The following IP6K1 variants were observed in gnomAD, a reference collection of about 807,000 sequenced individuals.
IP6K1 encodes the protein ATP:1D-myo-inositol-hexakisphosphate phosphotransferase.
A neutral mutation model predicts 38.3 loss-of-function variants in IP6K1; 13 were observed. That is an observed-to-expected ratio of 0.34 (90% CI 0.22 to 0.54). The LOEUF (loss-of-function observed/expected upper bound fraction) is 0.54. Ranked by LOEUF, IP6K1 falls within the 20% of genes least tolerant of loss-of-function variation. IP6K1 has a pLI of 0.92. For missense variants in IP6K1, 397 were observed against 599.8 expected, an observed-to-expected ratio of 0.66 and a Z score of 3.53; for synonymous variants, 212 against 229.9, an observed-to-expected ratio of 0.92 and a Z score of 0.70.
At chr3:49,770,260 G>C (rs755807770) in intron 1 of IP6K1, among the ~76,000 whole-genome samples, 18 of 152,176 alleles carry the variant, frequency 1.2e-4, no homozygotes, top group Non-Finnish European at 2.1e-4. Flanking sequence ...ATTTGTTACA[G>C]AGCAATAGAT....
At chr3:49,743,791 T>A (rs1172034732) in intron 2 of IP6K1, among the ~76,000 whole-genome samples, 2 of 151,920 alleles carry the variant, frequency 1.3e-5, no homozygotes, top group African/African-American at 4.8e-5. Context: ...AACTAAGTTT[T>A]GTATTTTTAG....
At chr3:49,743,604 T>A (rs139575318) in intron 2 of IP6K1, among the ~76,000 whole-genome samples, 2 of 147,794 alleles carry the variant, frequency 1.4e-5, no homozygotes, top group Non-Finnish European at 3.0e-5. Context: ...ACTTGAGCCA[T>A]AGTTTTTTTT....
At chr3:49,771,661 A>T (rs1441534886) in intron 1 of IP6K1, among the ~76,000 whole-genome samples, 1 of 152,240 alleles carries the variant, frequency 6.6e-6, no homozygotes. Context: ...ATAAAGCTAA[A>T]CATACATCTA....
rs1559700008 is a variant in IP6K1 at position 49,726,839 on chromosome 3, C to T, written c.*283G>A. 2.2e-6 allele frequency: 1 copy of T among 454,368 alleles called. No homozygotes were observed. The highest frequency in any genetic ancestry group is 3.3e-5 in the East Asian group (1 of 30,764). 28.1% of individuals were successfully genotyped at this position (454,368 alleles called of 1,614,324 possible). A position where few individuals can be genotyped will look rare whatever the true frequency, so the allele number is the denominator to read the frequency against. On this transcript the variant is annotated 3_prime_UTR_variant, in exon 6 of 6. Transcript: ENST00000321599. ...AACCAATGTCCAAGGGCACCCTGTC[C>T]CTGCTGCCAAGCCCACCAGGGGCAC...
At chr3:49,757,674 T>G (rs2080835883) in intron 1 of IP6K1, among the ~76,000 whole-genome samples, 1 of 151,618 alleles carries the variant, frequency 6.6e-6, no homozygotes, top group Admixed American at 6.6e-5. Flanking sequence ...GAGCCAAGAT[T>G]GCGCCACTAC....
intron 1 of IP6K1, among the ~76,000 whole-genome samples, chr3:49,779,348 AC>A (rs1375599035): frequency 6.6e-6 from 1 of 152,244 alleles, no homozygotes; most frequent in Non-Finnish European, 1.5e-5. Flanking sequence ...GTATGTATAC[AC>A]CACATTTTAT....
At chr3:49,756,817 CAA>C (rs59808252) in intron 1 of IP6K1, among the ~76,000 whole-genome samples, 12 of 133,266 alleles carry the variant, frequency 9.0e-5, no homozygotes, top group African/African-American at 1.5e-4. Flanking sequence ...AACTCCATCT[CAA>C]AAAAAAAAAA....
At chr3:49,777,100 GT>G (rs1347183917) in intron 1 of IP6K1, among the ~76,000 whole-genome samples, 4 of 152,100 alleles carry the variant, frequency 2.6e-5, no homozygotes, top group Admixed American at 6.6e-5. Context: ...GTCCATTGTG[GT>G]GGCACATGCC....
At chr3:49,783,830 C>T (rs1282214485) in intron 1 of IP6K1, among the ~76,000 whole-genome samples, 1 of 151,886 alleles carries the variant, frequency 6.6e-6, no homozygotes, top group African/African-American at 2.4e-5. Flanking sequence ...CAAAAAATGG[C>T]CCTGAAGGAC....
At chr3:49,761,458 C>T (rs910113236) in intron 1 of IP6K1, among the ~76,000 whole-genome samples, 51 of 151,706 alleles carry the variant, frequency 3.4e-4, no homozygotes, top group Admixed American at 3.4e-3. Context: ...ACTAAAAATA[C>T]AAAAAATTAG....
intron 1 of IP6K1, among the ~76,000 whole-genome samples, chr3:49,776,166 T>G (rs1397791697): frequency 6.6e-6 from 1 of 152,014 alleles, no homozygotes; most frequent in Non-Finnish European, 1.5e-5. Context: ...ATAAAGTTAG[T>G]GTTTATTTTC....
At position 49,726,876 on chromosome 3, in the gene IP6K1, T is replaced by A. The variant is rs2080508857; in HGVS notation, c.*246A>T. On this transcript the variant is annotated 3_prime_UTR_variant, in exon 6 of 6. Transcript: ENST00000321599. ...CCCACCAGGGGCACCTCTTCCTTCC[T>A]AAGGCAGCCTGGACACACCAGTCAG... The A allele has an allele frequency of 2.1e-6, 1 of 478,772 alleles. No homozygotes were observed. Among genetic ancestry groups the A allele is most frequent in the Non-Finnish European group, 3.6e-6 (1 of 274,204 alleles). 29.7% of individuals were successfully genotyped at this position (478,772 alleles called of 1,614,324 possible). A position where few individuals can be genotyped will look rare whatever the true frequency, so the allele number is the denominator to read the frequency against.
At chr3:49,785,603 T>C (rs2081106441) in intron 1 of IP6K1, 1 of 152,192 alleles carries the variant, frequency 6.6e-6, no homozygotes, top group African/African-American at 2.4e-5. Flanking sequence ...CACTCCTACG[T>C]TTCCTTTGTC....
chr3:49,737,068 G>A (rs1191690587), intron 3 of IP6K1, among the ~76,000 whole-genome samples: 3 of 143,220 alleles, frequency 2.1e-5, no homozygotes, highest in African/African-American at 7.7e-5. Flanking sequence ...CACCAAGCCT[G>A]GCCTTTTTTT....
chr3:49,740,462 T>C (rs2080656741), intron 2 of IP6K1, among the ~76,000 whole-genome samples: 1 of 152,202 alleles, frequency 6.6e-6, no homozygotes, highest in South Asian at 2.1e-4. Flanking sequence ...AAAATGTTTT[T>C]CATCACCTGA....
intron 1 of IP6K1, chr3:49,758,363 C>G (rs1269599234): frequency 1.4e-5 from 2 of 146,620 alleles, no homozygotes; most frequent in Non-Finnish European, 3.0e-5. Flanking sequence ...CAAGAAAACT[C>G]TCCAGAGTAA....
At chr3:49,744,046 G>A (rs2080698617) in intron 2 of IP6K1, among the ~76,000 whole-genome samples, 1 of 152,052 alleles carries the variant, frequency 6.6e-6, no homozygotes, top group African/African-American at 2.4e-5. Flanking sequence ...TGGTATTACT[G>A]TGTTGTCTGC....
chr3:49,777,539 T>A (rs1329497638), intron 1 of IP6K1, among the ~76,000 whole-genome samples: 2 of 144,834 alleles, frequency 1.4e-5, no homozygotes, highest in South Asian at 4.4e-4. Context: ...CTCCAGCCTG[T>A]GAGACAGAGC....
At chr3:49,774,407 C>CAAA (rs777187857) in intron 1 of IP6K1, among the ~76,000 whole-genome samples, 7,943 of 44,010 alleles carry the variant, frequency 0.18, 809 homozygotes, top group Non-Finnish European at 0.29. Context: ...GACTCCATCT[C>CAAA]AAAAAAAAAA....
Sources: gnomAD v4.1 joint callset for allele counts (sites outside exome capture counted in the v4.1 genomes callset) on GRCh38, gnomAD v4.1.1 for gene constraint, MANE v1.5 for transcripts, NCBI Gene and HGNC (gene_info 2026-07-23, HGNC 2026-07-21) for gene names.